BTBD9: variants seen among roughly 807,000 people sequenced by gnomAD.
BTBD9 encodes BTB/POZ domain-containing protein 9.
BTBD9 carries 49 observed loss-of-function variants against 64.3 expected under a neutral mutation model. The observed-to-expected ratio is 0.76, with a 90% CI of 0.61 to 0.97. The LOEUF is 0.97. Ranked by LOEUF, BTBD9 falls within the 50% of genes least tolerant of loss-of-function variation. BTBD9 has a pLI of 0.00. For missense variants in BTBD9, 598 were observed against 762.1 expected (o/e 0.78, Z 2.53); for synonymous variants, 260 against 274.7 (o/e 0.95, Z 0.53).
At chr6:38,340,336 G>C (rs906940648) in intron 7 of BTBD9, among the ~76,000 whole-genome samples, 1 of 152,124 alleles carries the variant, frequency 6.6e-6, no homozygotes, top group African/African-American at 2.4e-5. Context: ...GCTGATTCTA[G>C]ATCAAGGGCA....
chr6:38,629,940 G>A (rs1215708958), intron 1 of BTBD9, among the ~76,000 whole-genome samples: 4 of 152,094 alleles, frequency 2.6e-5, no homozygotes, highest in Non-Finnish European at 4.4e-5. Flanking sequence ...AGGCGTGGTG[G>A]CTCATGCCTG....
chr6:38,364,472 T>C (rs1765110131), intron 6 of BTBD9, among the ~76,000 whole-genome samples: 1 of 152,238 alleles, frequency 6.6e-6, no homozygotes, highest in Non-Finnish European at 1.5e-5. Context: ...GCTTTCAGAC[T>C]AACAAGAGTT....
At chr6:38,546,990 C>T (rs563950329) in intron 6 of BTBD9, among the ~76,000 whole-genome samples, 1 of 152,114 alleles carries the variant, frequency 6.6e-6, no homozygotes, top group Admixed American at 6.5e-5. Context: ...TATCAGTGTT[C>T]TTTGATGTTA....
intron 6 of BTBD9, among the ~76,000 whole-genome samples, chr6:38,548,081 C>A (rs1774631206): frequency 6.6e-6 from 1 of 152,136 alleles, no homozygotes; most frequent in Admixed American, 6.5e-5. Context: ...CACTATTATA[C>A]CCTTATTTTT....
At chr6:38,333,370 TAA>T (rs756589800) in intron 7 of BTBD9, among the ~76,000 whole-genome samples, 2 of 152,338 alleles carry the variant, frequency 1.3e-5, no homozygotes, top group South Asian at 4.1e-4. Context: ...TAAAAACAGT[TAA>T]GTTAGTTTTG....
intron 7 of BTBD9, among the ~76,000 whole-genome samples, chr6:38,292,163 C>G (rs1761988714): frequency 6.6e-6 from 1 of 151,860 alleles, no homozygotes; most frequent in Non-Finnish European, 1.5e-5. Context: ...GGGGTTTCAC[C>G]TTGTTGGTCA....
intron 7 of BTBD9, among the ~76,000 whole-genome samples, chr6:38,306,364 C>G (rs1762622731): frequency 1.3e-5 from 2 of 152,198 alleles, no homozygotes; most frequent in Non-Finnish European, 2.9e-5. Flanking sequence ...CACCTACATC[C>G]CTATTACAAC....
chr6:38,286,517 C>A (rs796557095), intron 8 of BTBD9, among the ~76,000 whole-genome samples: 44 of 152,234 alleles, frequency 2.9e-4, no homozygotes, highest in African/African-American at 9.4e-4. Flanking sequence ...TATACACACA[C>A]ATACATATAT....
chr6:38,615,844 A>C (rs1164128482), intron 1 of BTBD9, among the ~76,000 whole-genome samples: 6 of 152,204 alleles, frequency 3.9e-5, no homozygotes, highest in Non-Finnish European at 8.8e-5. Context: ...TTTTTCAAAT[A>C]ACTGCACTTC....
chr6:38,388,119 T>A (rs1766257574), intron 6 of BTBD9, among the ~76,000 whole-genome samples: 1 of 152,006 alleles, frequency 6.6e-6, no homozygotes, highest in Non-Finnish European at 1.5e-5. Context: ...TCTGGTTTTA[T>A]GATGCTCTTG....
intron 1 of BTBD9, among the ~76,000 whole-genome samples, chr6:38,626,092 C>CA (rs1039888846): frequency 7.2e-5 from 11 of 152,184 alleles, no homozygotes; most frequent in Middle Eastern, 3.2e-3. Flanking sequence ...CCAATGTCCC[C>CA]AGAGTTGAGA....
intron 6 of BTBD9, among the ~76,000 whole-genome samples, chr6:38,496,881 G>A (rs1214304144): frequency 1.3e-5 from 2 of 152,170 alleles, no homozygotes; most frequent in Non-Finnish European, 2.9e-5. Context: ...CTACGTTAGT[G>A]TCTAAAACAA....
At chr6:38,552,948 T>A (rs1774878388) in intron 6 of BTBD9, among the ~76,000 whole-genome samples, 1 of 152,116 alleles carries the variant, frequency 6.6e-6, no homozygotes, top group East Asian at 1.9e-4. Context: ...GTACCTTACA[T>A]CAAATGGCAC....
At chr6:38,379,267 T>G (rs1000618877) in intron 6 of BTBD9, among the ~76,000 whole-genome samples, 10 of 152,028 alleles carry the variant, frequency 6.6e-5, no homozygotes, top group Non-Finnish European at 1.3e-4. Flanking sequence ...AAGAAAGAAA[T>G]CTATCTTGCA....
At chr6:38,394,658 C>A (rs1046671643) in intron 6 of BTBD9, among the ~76,000 whole-genome samples, 188 of 123,018 alleles carry the variant, frequency 1.5e-3, no homozygotes, top group African/African-American at 6.9e-3. Context: ...ACTTTCAAGT[C>A]TAGGGGGGAA....
chr6:38,175,124 T>A lies in BTBD9; in HGVS notation c.1700A>T (p.Asn567Ile). 6.2e-7 allele frequency: 1 copy of A among 1,614,206 alleles called. No individual in the cohort carries two copies. ...PEQQSSQKEE[N>I]SEESGTGDTS... ...GTCCCCTGTCCCCGATTCCTCACTA[T>A]TTTCCTCCTTCTGGCTGCTCTGCTG... is the stretch of plus-strand genomic sequence containing the variant. The change falls in exon 11 of 11, where the codon AAT becomes ATT. Residue 567 changes from asparagine (N) to isoleucine (I), a missense_variant. Asn to Ile is a moderately radical substitution (Grantham distance 149). Coordinates refer to ENST00000481247, the MANE Select transcript of BTBD9 (RefSeq NM_001099272.2).
intron 1 of BTBD9, among the ~76,000 whole-genome samples, chr6:38,631,388 T>C (rs1288107940): frequency 6.6e-6 from 1 of 152,128 alleles, no homozygotes; most frequent in Non-Finnish European, 1.5e-5. Flanking sequence ...GACTCTCCCC[T>C]CAAAAAAGGT....
At chr6:38,329,486 C>A (rs1224291456) in intron 7 of BTBD9, among the ~76,000 whole-genome samples, 1 of 151,936 alleles carries the variant, frequency 6.6e-6, no homozygotes, top group Non-Finnish European at 1.5e-5. Context: ...CCACACCCAG[C>A]TAATTTTTGT....
intron 6 of BTBD9, among the ~76,000 whole-genome samples, chr6:38,412,783 C>T (rs899483903): frequency 2.0e-5 from 3 of 152,004 alleles, no homozygotes; most frequent in Admixed American, 2.0e-4. Context: ...CACCTGAACC[C>T]AGGAGGTGGA....
Sources: gnomAD v4.1 joint callset for allele counts (sites outside exome capture counted in the v4.1 genomes callset) on GRCh38, gnomAD v4.1.1 for gene constraint, MANE v1.5 for transcripts, NCBI Gene and HGNC (gene_info 2026-07-23, HGNC 2026-07-21) for gene names.